Variants in UGT2A1 observed in about 807,000 individuals in gnomAD.
The protein encoded by UGT2A1 is UDP-glucuronosyltransferase 2A1.
In UGT2A1, 61 loss-of-function variants were observed where a neutral mutation model predicts 45.4. That is an observed-to-expected ratio of 1.34 (90% CI 1.09 to 1.66). The LOEUF (loss-of-function observed/expected upper bound fraction) is 1.66, where lower values mean the gene tolerates loss of function less well. Ranked by LOEUF, UGT2A1 falls within the 40% of genes most tolerant of loss-of-function variation. The probability of loss-of-function intolerance (pLI) is 0.00; values close to 1 mark genes in which losing one functional copy is unlikely to be tolerated. For missense variants in UGT2A1, 649 were observed against 574.3 expected (o/e 1.13, Z -1.33); for synonymous variants, 229 against 196.2 (o/e 1.17, Z -1.40).
chr4:69,607,598 A>C (rs921226983), intron 3 of UGT2A1, among the ~76,000 whole-genome samples: 1 of 152,180 alleles, frequency 6.6e-6, no homozygotes, highest in Admixed American at 6.5e-5. Context: ...GAGCTTCTGC[A>C]CAGGAAAAGA....
intron 6 of UGT2A1, among the ~76,000 whole-genome samples, chr4:69,591,067 A>T (rs1029752068): frequency 6.6e-6 from 1 of 152,176 alleles, no homozygotes; most frequent in South Asian, 2.1e-4. Flanking sequence ...AATAATTTTT[A>T]GGCATTTATT....
intron 3 of UGT2A1, among the ~76,000 whole-genome samples, chr4:69,632,505 A>G (rs917260890): frequency 6.6e-6 from 1 of 152,288 alleles, no homozygotes; most frequent in East Asian, 1.9e-4. Flanking sequence ...GATAATTTCT[A>G]TTTATGACCA....
chr4:69,608,432 AG>A (rs996587567), intron 3 of UGT2A1, among the ~76,000 whole-genome samples: 6 of 102,018 alleles, frequency 5.9e-5, no homozygotes, highest in African/African-American at 1.4e-4. Flanking sequence ...GGGTGGGGGG[AG>A]GGGGGAAGGA....
intron 3 of UGT2A1, among the ~76,000 whole-genome samples, chr4:69,631,209 C>T (rs1721363109): frequency 6.6e-6 from 1 of 151,974 alleles, no homozygotes. Context: ...CACAAAGATA[C>T]CTATACTGTT....
intron 2 of UGT2A1, among the ~76,000 whole-genome samples, chr4:69,642,600 T>C (rs865877026): frequency 6.6e-6 from 1 of 151,712 alleles, no homozygotes; most frequent in African/African-American, 2.4e-5. Context: ...TATTTTACAT[T>C]AATTACTCAT....
In UGT2A1 at chr4:69,638,879, A is replaced by G. The variant is rs753742769; in HGVS notation, c.716-3057T>C. Reference sequence around the variant, plus strand: ...AATAAGGGATGTGGAGTCATTAAAAAGAGAAAATTTTAGACTTACCTAAAA... The same window carrying G: ...AATAAGGGATGTGGAGTCATTAAAAGGAGAAAATTTTAGACTTACCTAAAA... On this transcript the variant is annotated intron_variant, in intron 2 of 6. Coordinates refer to ENST00000286604, the MANE Select transcript of UGT2A1 (RefSeq NM_001252275.3). 1.1e-5 allele frequency: 17 copies of G among 1,535,814 alleles called. No homozygotes were observed. In the South Asian group the frequency reaches 2.0e-4, roughly 18 times the overall value.
intron 2 of UGT2A1, among the ~76,000 whole-genome samples, chr4:69,642,672 T>C (rs1722099225): frequency 6.6e-6 from 1 of 151,698 alleles, no homozygotes; most frequent in Non-Finnish European, 1.5e-5. Context: ...TTTGAAAATC[T>C]AGATTTCTTA....
At chr4:69,626,094 G>A (rs944305375) in intron 3 of UGT2A1, among the ~76,000 whole-genome samples, 1 of 151,182 alleles carries the variant, frequency 6.6e-6, no homozygotes, top group Non-Finnish European at 1.5e-5. Context: ...ATATATTTAT[G>A]CTTTGTTAAC....
chr4:69,622,154 A>G (rs1489693082), intron 3 of UGT2A1, among the ~76,000 whole-genome samples: 1 of 151,874 alleles, frequency 6.6e-6, no homozygotes, highest in African/African-American at 2.4e-5. Context: ...TCCTGAACCA[A>G]AAGGTTTTTA....
rs750783959 is a variant in UGT2A1 at position 69,599,242 on chromosome 4, C to T, written c.996+4G>A. ...CATAAAATCCTCCACTGTTGTAGAC[C>T]TACCTTAGGTAAAGGTTTGGCAGGT... On this transcript the variant is annotated splice_donor_region_variant and intron_variant, in intron 4 of 6. Coordinates refer to ENST00000286604, the MANE Select transcript of UGT2A1 (RefSeq NM_001252275.3). The T allele has an allele frequency of 2.0e-5, 32 of 1,612,172 alleles. No homozygotes were observed. Among genetic ancestry groups the T allele is most frequent in the Non-Finnish European group, 2.5e-5 (30 of 1,179,470 alleles).
chr4:69,590,856 A>G (rs147606966), intron 6 of UGT2A1, among the ~76,000 whole-genome samples: 135 of 152,294 alleles, frequency 8.9e-4, no homozygotes, highest in African/African-American at 3.2e-3. Flanking sequence ...TTATACACTA[A>G]TGTTTTATGA....
intron 1 of UGT2A1, among the ~76,000 whole-genome samples, chr4:69,648,703 T>G (rs1722390755): frequency 6.6e-6 from 1 of 151,962 alleles, no homozygotes; most frequent in African/African-American, 2.4e-5. Context: ...ACTTATTGGG[T>G]ACAATGGAAA....
chr4:69,632,072 T>C (rs1450702420), intron 3 of UGT2A1, among the ~76,000 whole-genome samples: 1 of 152,208 alleles, frequency 6.6e-6, no homozygotes, highest in Non-Finnish European at 1.5e-5. Context: ...ATTAACTTTA[T>C]TTTTGAAAGA....
intron 3 of UGT2A1, among the ~76,000 whole-genome samples, chr4:69,616,153 G>A (rs750742088): frequency 6.6e-6 from 1 of 151,748 alleles, no homozygotes; most frequent in Non-Finnish European, 1.5e-5. Context: ...ACTCACATGT[G>A]GAAGCTAAAA....
chr4:69,626,810 C>T (rs577981116), intron 3 of UGT2A1, among the ~76,000 whole-genome samples: 1 of 151,578 alleles, frequency 6.6e-6, no homozygotes, highest in African/African-American at 2.4e-5. Context: ...GTGTTCTATT[C>T]ATTCATACTA....
At chr4:69,600,331 T>A (rs1719202086) in intron 3 of UGT2A1, among the ~76,000 whole-genome samples, 1 of 152,170 alleles carries the variant, frequency 6.6e-6, no homozygotes. Context: ...CAGAGAAAAG[T>A]CACTCCTAAT....
chr4:69,630,434 C>T (rs965566137), intron 3 of UGT2A1, among the ~76,000 whole-genome samples: 2 of 152,100 alleles, frequency 1.3e-5, no homozygotes, highest in African/African-American at 4.8e-5. Context: ...CCCAGCACCA[C>T]AAGCCATAGT....
chr4:69,629,899 T>C (rs946721341), intron 3 of UGT2A1, among the ~76,000 whole-genome samples: 2 of 152,080 alleles, frequency 1.3e-5, no homozygotes, highest in African/African-American at 4.8e-5. Flanking sequence ...CAGTAAGAAG[T>C]TATGAATATT....
At chr4:69,633,964 G>T (rs893239862) in intron 3 of UGT2A1, among the ~76,000 whole-genome samples, 1 of 152,046 alleles carries the variant, frequency 6.6e-6, no homozygotes, top group Admixed American at 6.6e-5. Flanking sequence ...TTAAAAACCC[G>T]GCCGCGCGCG....
Sources: allele counts gnomAD v4.1 joint callset (sites outside exome capture counted in the v4.1 genomes callset), GRCh38; gene constraint gnomAD v4.1.1; transcripts MANE v1.5; gene names NCBI Gene and HGNC (gene_info 2026-07-23, HGNC 2026-07-21).